The following NOC3L variants were observed in gnomAD, a reference collection of about 807,000 sequenced individuals.
NOC3L encodes the protein NOC3 like DNA replication regulator.
In NOC3L, 85 loss-of-function variants were observed where a neutral mutation model predicts 102.5. The observed-to-expected ratio is 0.83, with a 90% confidence interval of 0.70 to 0.99. The LOEUF is 0.99. Among genes scored for constraint, NOC3L ranks in the 50% least tolerant of loss-of-function variants. NOC3L has a pLI of 0.00. For synonymous variants in NOC3L, 303 were observed against 309.4 expected (o/e 0.98, Z 0.22); for missense variants, 878 against 914.9 (o/e 0.96, Z 0.52).
chr10:94,353,035 C>T lies in NOC3L; in HGVS notation c.719G>A (p.Arg240His), dbSNP rs989221465. 11 of 1,604,752 alleles carry T rather than the reference C, an allele frequency of 6.9e-6. No individual in the cohort carries two copies. The highest frequency in any genetic ancestry group is 2.7e-5 in the African/African-American group (2 of 74,200). The change falls in exon 7 of 21, where the codon CGT (arginine) becomes CAT (histidine). Residue 240 changes from arginine (R) to histidine (H), a missense_variant. Transcript: ENST00000371361. ...ENNIKKLKEL[R>H]SMLMEQDPDV... ...AGGATCTTGTTCCATCAACATAGAA[C>T]GTAATTCTTTCAATTTTTTAATCTG...
At chr10:94,324,591 CTGTTCT>C in the NOC3L span, 1 of 1,575,744 alleles carries the variant, frequency 6.3e-7, no homozygotes, top group South Asian at 1.1e-5. Flanking sequence ...TTATTTTGCT[CTGTTCT>C]TAAGTTATCT....
chr10:94,346,332 A>T, intron 11 of NOC3L, 93 bp downstream of exon 11: 1 of 969,498 alleles, frequency 1.0e-6, no homozygotes, highest in South Asian at 1.9e-5. Context: ...TATGTTTATG[A>T]TTTAACTATG....
chr10:94,350,589 A>G (rs1211137371), intron 8 of NOC3L, among the ~76,000 whole-genome samples: 4 of 151,734 alleles, frequency 2.6e-5, no homozygotes, highest in Non-Finnish European at 5.9e-5. Flanking sequence ...TGGGTGGCAC[A>G]CGCCTGTAGT....
At chr10:94,322,883 GA>G in the NOC3L span, among the ~76,000 whole-genome samples, 1 of 152,152 alleles carries the variant, frequency 6.6e-6, no homozygotes, top group Non-Finnish European at 1.5e-5. Flanking sequence ...TTGAGCCTGG[GA>G]GGCAGAGGTT....
At chr10:94,359,532 T>C (rs987792021) in intron 2 of NOC3L, among the ~76,000 whole-genome samples, 2 of 152,080 alleles carry the variant, frequency 1.3e-5, no homozygotes, top group African/African-American at 4.8e-5. Flanking sequence ...CTATCTACTT[T>C]AAATGAGCCT....
chr10:94,331,920 G>A (rs1320801270), downstream of NOC3L: 1 of 147,206 alleles, frequency 6.8e-6, no homozygotes, highest in Non-Finnish European at 1.5e-5. Context: ...TGCCCAGCCT[G>A]GAGTGCAGTG....
In NOC3L at chr10:94,357,174, C is replaced by A; in HGVS notation, c.508G>T (p.Val170Phe). Reference protein sequence around the residue: ...GIIPQTREKPVTDSNKDEEDQ... With the variant: ...GIIPQTREKPFTDSNKDEEDQ... ...AATATTACCAGTTTATTAGACTCAC[C>A]TGGCTTCTCCCTAGTCTGTGGGATT... Residue 170 changes from valine to phenylalanine, a missense_variant and splice_region_variant, in exon 4 of 21, where the codon GTT becomes TTT. Val to Phe is a conservative substitution (Grantham distance 50, BLOSUM62 -1). Transcript: ENST00000371361. 6.5e-7 allele frequency: 1 copy of A among 1,548,756 alleles called. No individual in the cohort carries two copies. The highest frequency in any genetic ancestry group is 8.7e-7 in the Non-Finnish European group (1 of 1,148,486).
At chr10:94,324,467 C>G in the NOC3L span, 2 of 1,614,150 alleles carry the variant, frequency 1.2e-6, no homozygotes, top group Non-Finnish European at 8.5e-7. Flanking sequence ...ACACCAAAGT[C>G]CTCTCAGCGG....
At chr10:94,321,455 A>C in the NOC3L span, among the ~76,000 whole-genome samples, 1 of 152,178 alleles carries the variant, frequency 6.6e-6, no homozygotes, top group African/African-American at 2.4e-5. Context: ...AGCATGGCGA[A>C]ACCCTGTCTC....
chr10:94,324,554 A>G, the NOC3L span: 1 of 1,613,480 alleles, frequency 6.2e-7, no homozygotes, highest in Non-Finnish European at 8.5e-7. Flanking sequence ...CTTAAGCTAA[A>G]GGAGCAGGTG....
Position 94,346,453 on chromosome 10 carries a change from C to A in NOC3L, c.1361G>T (p.Arg454Ile). Residue 454 changes from arginine (R) to isoleucine (I), a missense_variant, in exon 11 of 21, where the codon AGA becomes ATA. Arg to Ile is a moderately conservative substitution (Grantham distance 97). Coordinates refer to ENST00000371361, the MANE Select transcript of NOC3L (RefSeq NM_022451.11). ...PKKFMTFKEK[R>I]KSLSRMQRKW... is the part of the protein sequence containing the mutation. Reference sequence around the variant, plus strand: ...TCTCTGCATTCTTGATAGAGATTTTCTCTTTTCTTTGAAAGTCATAAATTT... The same window carrying A: ...TCTCTGCATTCTTGATAGAGATTTTATCTTTTCTTTGAAAGTCATAAATTT... 6.6e-7 allele frequency: 1 copy of A among 1,512,404 alleles called. No individual in the cohort carries two copies. The highest frequency in any genetic ancestry group is 1.3e-5 in the South Asian group (1 of 78,114). The allele number at this position is 1,512,404 out of a possible 1,614,324, so 93.7% of individuals were successfully genotyped here.
rs1323652584 is a variant in NOC3L, at chr10:94,361,719, C to T, written c.163G>A (p.Asp55Asn). ...GGAATGGGTTTCTTAGACACAGCAT[C>T]TTTCACAGCTTGCCTTAGTTTCCTC... ...EQRKLRQAVK[D>N]AVSKKPIPLE... Residue 55 changes from aspartate to asparagine, a missense_variant, in exon 2 of 21, where the codon GAT (aspartate) becomes AAT (asparagine). Physicochemically the swap from Asp to Asn is conservative, Grantham distance 23. Transcript: ENST00000371361. The T allele has an allele frequency of 6.2e-7, 1 of 1,601,616 alleles. No homozygotes were observed. The highest frequency in any genetic ancestry group is 8.5e-7 in the Non-Finnish European group (1 of 1,172,954).
At chr10:94,338,268 G>A (rs17517515) in intron 18 of NOC3L, among the ~76,000 whole-genome samples, 20,793 of 152,144 alleles carry the variant, frequency 0.14, 1,574 homozygotes, top group Middle Eastern at 0.27. Flanking sequence ...GCTTACTAAA[G>A]TCTCCTTGGA....
intron 8 of NOC3L, 90 bp from the exon 9 acceptor site, chr10:94,350,378 A>G: frequency 9.6e-7 from 1 of 1,045,324 alleles, no homozygotes. Context: ...ATTTTAACAC[A>G]CATAAACACA....
intron 19 of NOC3L, among the ~76,000 whole-genome samples, chr10:94,336,377 C>T (rs1054146443): frequency 4.6e-5 from 7 of 150,924 alleles, no homozygotes; most frequent in Non-Finnish European, 4.4e-5. Flanking sequence ...CAGACGGATT[C>T]GCTCTTGTCA....
At chr10:94,362,229 C>A (rs2054559507) in intron 1 of NOC3L, among the ~76,000 whole-genome samples, 1 of 152,180 alleles carries the variant, frequency 6.6e-6, no homozygotes, top group South Asian at 2.1e-4. Context: ...CATTTATCTA[C>A]GATTTTATTA....
At chr10:94,360,344 A>G (rs1255020063) in intron 2 of NOC3L, among the ~76,000 whole-genome samples, 5 of 152,130 alleles carry the variant, frequency 3.3e-5, no homozygotes, top group African/African-American at 9.7e-5. Context: ...ATAATAAAAG[A>G]AAATATGGTA....
chr10:94,356,622 G>GAT (rs763792339), intron 4 of NOC3L, 31 bp from the exon 5 acceptor site: 2 of 1,263,488 alleles, frequency 1.6e-6, no homozygotes, highest in African/African-American at 2.9e-5. Context: ...TTAAAACTGT[G>GAT]ATATATACTT....
At chr10:94,332,199 A>G (rs1195475424), downstream of NOC3L, 5 of 152,250 alleles carry the variant, frequency 3.3e-5, no homozygotes, top group East Asian at 9.7e-4. Flanking sequence ...TTAGATTCAA[A>G]ACATACTATG....
Sources: allele counts gnomAD v4.1 joint callset (sites outside exome capture counted in the v4.1 genomes callset), GRCh38; gene constraint gnomAD v4.1.1; transcripts MANE v1.5; gene names NCBI Gene and HGNC (gene_info 2026-07-23, HGNC 2026-07-21).